The following LARS2 variants were observed in gnomAD, a reference collection of about 807,000 sequenced individuals.
LARS2 encodes the protein leucyl-tRNA synthetase 2, mitochondrial, also known as leucine--tRNA ligase, mitochondrial.
Under a neutral mutation model 116.6 loss-of-function variants are expected in LARS2, and 81 were observed. The ratio of observed to expected loss-of-function variants is 0.69; its 90% CI spans 0.58 to 0.84. The LOEUF (loss-of-function observed/expected upper bound fraction) is 0.84, where lower values mean the gene tolerates loss of function less well. Among genes scored for constraint, LARS2 ranks in the 40% least tolerant of loss-of-function variants. LARS2 has a pLI of 0.00. For synonymous variants in LARS2, 396 were observed against 407.2 expected (o/e 0.97, Z 0.33); for missense variants, 968 against 1,114.5 (o/e 0.87, Z 1.87).
chr3:45,522,562 C>G (rs1332534039), intron 19 of LARS2, among the ~76,000 whole-genome samples: 1 of 152,118 alleles, frequency 6.6e-6, no homozygotes, highest in African/African-American at 2.4e-5. Flanking sequence ...GAAACCCTGT[C>G]TCTACTAAAA....
chr3:45,528,692 G>C (rs1700569182), intron 20 of LARS2, among the ~76,000 whole-genome samples: 1 of 152,072 alleles, frequency 6.6e-6, no homozygotes, highest in Non-Finnish European at 1.5e-5. Context: ...AGTCATTTCT[G>C]TTTTATTTCA....
intron 19 of LARS2, among the ~76,000 whole-genome samples, chr3:45,522,057 T>C (rs546459335): frequency 6.6e-6 from 1 of 152,076 alleles, no homozygotes; most frequent in East Asian, 1.9e-4. Flanking sequence ...AGTGAGCTGT[T>C]TGGTGCCACT....
chr3:45,396,044 C>A (rs1312821098), intron 3 of LARS2, among the ~76,000 whole-genome samples: 1 of 151,826 alleles, frequency 6.6e-6, no homozygotes. Flanking sequence ...CTTTTTTTTC[C>A]CTTTTGGTTT....
intron 20 of LARS2, among the ~76,000 whole-genome samples, chr3:45,528,321 A>G (rs971080727): frequency 6.6e-6 from 1 of 152,220 alleles, no homozygotes; most frequent in Non-Finnish European, 1.5e-5. Flanking sequence ...TGGCTGACAG[A>G]GCAAGAGCCT....
intron 6 of LARS2, among the ~76,000 whole-genome samples, chr3:45,441,168 G>A (rs1417236459): frequency 6.6e-6 from 1 of 152,004 alleles, no homozygotes; most frequent in Non-Finnish European, 1.5e-5. Flanking sequence ...GGGATTACAG[G>A]CATATGCCAC....
At chr3:45,482,955 G>A (rs1400644253) in intron 10 of LARS2, among the ~76,000 whole-genome samples, 4 of 152,172 alleles carry the variant, frequency 2.6e-5, no homozygotes, top group Admixed American at 6.5e-5. Flanking sequence ...GTGGGGAAGG[G>A]TGGGGAGAAG....
At chr3:45,536,508 G>A (rs1017587276) in intron 20 of LARS2, among the ~76,000 whole-genome samples, 4 of 152,192 alleles carry the variant, frequency 2.6e-5, no homozygotes, top group African/African-American at 9.7e-5. Context: ...GCTGTGTGTG[G>A]CAGAGTACGT....
intron 15 of LARS2, among the ~76,000 whole-genome samples, chr3:45,503,687 T>A (rs1432387696): frequency 6.6e-6 from 1 of 152,066 alleles, no homozygotes; most frequent in Non-Finnish European, 1.5e-5. Context: ...TCAGTTGTTG[T>A]TATGTTGTTT....
chr3:45,412,815 T>G (rs1698352676), intron 4 of LARS2, among the ~76,000 whole-genome samples: 1 of 152,232 alleles, frequency 6.6e-6, no homozygotes, highest in Middle Eastern at 3.4e-3. Context: ...AGAAAGCAGT[T>G]TTCAGTGGGT....
chr3:45,520,377 G>A (rs1041842216), intron 19 of LARS2, 81 bp downstream of exon 19: 12 of 934,580 alleles, frequency 1.3e-5, no homozygotes, highest in Middle Eastern at 2.1e-4. Flanking sequence ...TCCCAAGAGG[G>A]ACAGAGAGCA....
chr3:45,486,613 C>T lies in LARS2; in HGVS notation c.1123+817C>T, dbSNP rs529899415. On this transcript the variant is annotated intron_variant, in intron 11 of 21. Coordinates refer to ENST00000645846, the MANE Select transcript of LARS2 (RefSeq NM_015340.4). Reference sequence around the variant, plus strand: ...CATTTCTTCTTAAATTCACATTTTTCCCCTCATAACGCTCAGATCAGTGTT... The same window carrying T: ...CATTTCTTCTTAAATTCACATTTTTTCCCTCATAACGCTCAGATCAGTGTT... 2.3e-3 allele frequency among the ~76,000 whole-genome samples: 356 copies of T among 152,268 alleles called. 4 individuals are homozygous for T. Among genetic ancestry groups the T allele is most frequent in the Non-Finnish European group, 3.7e-3 (254 of 68,012 alleles).
At chr3:45,509,421 G>A (rs1700249589) in intron 15 of LARS2, 3 of 152,112 alleles carry the variant, frequency 2.0e-5, no homozygotes, top group Admixed American at 2.0e-4. Context: ...GCAGGCCTGG[G>A]TTCCAAGTCC....
At chr3:45,461,067 A>C (rs140230440) in intron 8 of LARS2, among the ~76,000 whole-genome samples, 1 of 152,204 alleles carries the variant, frequency 6.6e-6, no homozygotes, top group Non-Finnish European at 1.5e-5. Context: ...TTCCAATAGA[A>C]ATAGATCCTG....
intron 7 of LARS2, among the ~76,000 whole-genome samples, chr3:45,456,104 A>G (rs1275956362): frequency 6.6e-6 from 1 of 152,126 alleles, no homozygotes; most frequent in Non-Finnish European, 1.5e-5. Context: ...GACTCTAGTC[A>G]GTCATAATGT....
rs1699421206 is a variant in LARS2, at chr3:45,466,146, A to G, written c.750+7260A>G. ...ATTTGATCAGGAACCATAAAGATAG[A>G]AAAGCATTTTGTGTTCCTTTTGAAC... On this transcript the variant is annotated intron_variant, in intron 8 of 21. Transcript: ENST00000645846. 2.0e-5 allele frequency among the ~76,000 whole-genome samples: 3 copies of G among 152,244 alleles called. 1 individual carries two copies. The South Asian group carries it at 6.2e-4, about 32-fold the overall frequency.
At chr3:45,426,434 G>A (rs1393180564) in intron 6 of LARS2, among the ~76,000 whole-genome samples, 4 of 152,100 alleles carry the variant, frequency 2.6e-5, no homozygotes, top group South Asian at 2.1e-4. Flanking sequence ...GCAGATCTCC[G>A]GCTCTGGATT....
At chr3:45,415,893 GGAGAGAGA>G (rs71095034) in intron 4 of LARS2, among the ~76,000 whole-genome samples, 8 of 69,852 alleles carry the variant, frequency 1.1e-4, no homozygotes, top group South Asian at 7.8e-4. Flanking sequence ...AGAGAGAGAG[GGAGAGAGA>G]GAGAGAGAGA....
chr3:45,402,503 A>G (rs1303092180), intron 4 of LARS2, among the ~76,000 whole-genome samples: 2 of 152,224 alleles, frequency 1.3e-5, no homozygotes, highest in Non-Finnish European at 2.9e-5. Context: ...TGAACCTGTC[A>G]GGGCCTATAC....
intron 16 of LARS2, among the ~76,000 whole-genome samples, chr3:45,513,553 C>T (rs1161068708): frequency 1.3e-5 from 2 of 152,196 alleles, no homozygotes; most frequent in African/African-American, 4.8e-5. Flanking sequence ...GAAAGCCCAC[C>T]TCAGGGATAG....
Sources: allele counts gnomAD v4.1 joint callset (sites outside exome capture counted in the v4.1 genomes callset), GRCh38; gene constraint gnomAD v4.1.1; transcripts MANE v1.5; gene names NCBI Gene and HGNC (gene_info 2026-07-23, HGNC 2026-07-21).